The following MYO3B variants were observed in gnomAD, a reference collection of about 807,000 sequenced individuals.
MYO3B encodes myosin IIIB, also known as myosin-IIIb.
A neutral mutation model predicts 174.6 loss-of-function variants in MYO3B; 156 were observed. The ratio of observed to expected loss-of-function variants is 0.89; its 90% CI spans 0.78 to 1.02. The LOEUF (loss-of-function observed/expected upper bound fraction) is 1.02. Ranked by LOEUF, MYO3B falls within the 50% of genes least tolerant of loss-of-function variation. The pLI, the probability that MYO3B is intolerant of heterozygous loss-of-function variation, is 0.00. For synonymous variants in MYO3B, 563 were observed against 569.1 expected (o/e 0.99, Z 0.15); for missense variants, 1,632 against 1,639.4 (o/e 1.00, Z 0.08).
intron 6 of MYO3B, among the ~76,000 whole-genome samples, chr2:170,219,503 G>A (rs1210874956): frequency 3.9e-5 from 6 of 152,138 alleles, no homozygotes; most frequent in African/African-American, 1.4e-4. Flanking sequence ...AATTAGCTGG[G>A]TGTGGTAGTA....
chr2:170,425,769 C>T (rs1478698202), intron 22 of MYO3B, among the ~76,000 whole-genome samples: 3 of 152,146 alleles, frequency 2.0e-5, no homozygotes, highest in African/African-American at 4.8e-5. Flanking sequence ...GATCAAAATC[C>T]CTGAAATGAT....
intron 8 of MYO3B, among the ~76,000 whole-genome samples, chr2:170,338,542 A>C (rs1465385674): frequency 6.6e-6 from 1 of 152,158 alleles, no homozygotes; most frequent in Non-Finnish European, 1.5e-5. Flanking sequence ...GGAACTGATT[A>C]TTATATTATA....
intron 7 of MYO3B, among the ~76,000 whole-genome samples, chr2:170,261,176 A>C (rs2093343105): frequency 6.6e-6 from 1 of 152,068 alleles, no homozygotes; most frequent in African/African-American, 2.4e-5. Flanking sequence ...GGCATGCACC[A>C]CCACGCCCAG....
At chr2:170,199,057 G>C (rs1241656712) in intron 1 of MYO3B, 151 bp from the exon 2 acceptor site, 3 of 534,812 alleles carry the variant, frequency 5.6e-6, no homozygotes, top group Non-Finnish European at 9.5e-6. Flanking sequence ...GAGGGTCCAA[G>C]TTCTTTTTCA....
chr2:170,643,196 C>T (rs904267174), intron 32 of MYO3B, among the ~76,000 whole-genome samples: 1 of 152,224 alleles, frequency 6.6e-6, no homozygotes, highest in Non-Finnish European at 1.5e-5. Flanking sequence ...CTCACTATGC[C>T]TCTGTTATCT....
At chr2:170,495,748 G>T (rs1233977035) in intron 25 of MYO3B, among the ~76,000 whole-genome samples, 1 of 152,112 alleles carries the variant, frequency 6.6e-6, no homozygotes, top group Admixed American at 6.5e-5. Flanking sequence ...AGCAAGCCTG[G>T]GCTACTTAAA....
chr2:170,324,857 C>T (rs1381651060), intron 7 of MYO3B, among the ~76,000 whole-genome samples: 2 of 152,218 alleles, frequency 1.3e-5, no homozygotes, highest in African/African-American at 4.8e-5. Context: ...GCATTTGGGA[C>T]ACCCTGTGGT....
intron 28 of MYO3B, among the ~76,000 whole-genome samples, chr2:170,507,733 T>C (rs1324923933): frequency 3.5e-5 from 5 of 143,048 alleles, no homozygotes; most frequent in Non-Finnish European, 7.5e-5. Flanking sequence ...ACATATCTTG[T>C]AGGGGGAAAT....
At chr2:170,272,154 G>A (rs997075117) in intron 7 of MYO3B, among the ~76,000 whole-genome samples, 5 of 150,614 alleles carry the variant, frequency 3.3e-5, no homozygotes, top group South Asian at 2.1e-4. Flanking sequence ...TCTCTGAACC[G>A]ATAGCATCGG....
At chr2:170,532,805 A>C (rs901618378) in intron 30 of MYO3B, among the ~76,000 whole-genome samples, 6 of 146,144 alleles carry the variant, frequency 4.1e-5, no homozygotes, top group Admixed American at 6.9e-5. Context: ...AACAAGAGTG[A>C]AACTCTGTCT....
At chr2:170,357,884 G>A (rs1382139392) in intron 8 of MYO3B, among the ~76,000 whole-genome samples, 1 of 152,210 alleles carries the variant, frequency 6.6e-6, no homozygotes, top group Non-Finnish European at 1.5e-5. Context: ...TGGGCGCAGT[G>A]GCTCACGCCT....
chr2:170,546,724 C>A (rs1242907054), intron 32 of MYO3B, among the ~76,000 whole-genome samples: 1 of 152,184 alleles, frequency 6.6e-6, no homozygotes, highest in African/African-American at 2.4e-5. Flanking sequence ...ACATTTTTAG[C>A]AAATTATACC....
At chr2:170,531,282 G>T (rs1689337292) in intron 30 of MYO3B, among the ~76,000 whole-genome samples, 1 of 152,142 alleles carries the variant, frequency 6.6e-6, no homozygotes, top group African/African-American at 2.4e-5. Flanking sequence ...AAAGTGTCTA[G>T]CTACCCTCAG....
intron 23 of MYO3B, among the ~76,000 whole-genome samples, chr2:170,459,584 C>G (rs1435906115): frequency 6.6e-6 from 1 of 152,204 alleles, no homozygotes; most frequent in African/African-American, 2.4e-5. Context: ...CCTACTGGAT[C>G]CTGCTGCAGG....
rs76374042 is a variant in MYO3B at position 170,236,496 on chromosome 2, T to A, written c.749+360T>A. ...TTTTAATTACATACTTTCTCTAGTA[T>A]TCAGTGAAAACATATGTATATCATA... On this transcript the variant is annotated intron_variant, in intron 7 of 34. Coordinates refer to ENST00000408978, the MANE Select transcript of MYO3B (RefSeq NM_138995.5). Among the ~76,000 whole-genome samples, 303 of 152,328 alleles carry A rather than the reference T, an allele frequency of 2.0e-3. 12 individuals carry two copies. In the East Asian group the frequency reaches 0.057, roughly 29 times the overall value.
intron 1 of MYO3B, among the ~76,000 whole-genome samples, chr2:170,196,673 T>C (rs1009543402): frequency 6.6e-6 from 1 of 151,146 alleles, no homozygotes; most frequent in Non-Finnish European, 1.5e-5. Context: ...AAAAATTATA[T>C]CAGTGAGAAA....
chr2:170,197,812 G>A (rs192107977), intron 1 of MYO3B, among the ~76,000 whole-genome samples: 6 of 152,192 alleles, frequency 3.9e-5, no homozygotes, highest in African/African-American at 1.4e-4. Context: ...ACATTTTATG[G>A]TAATTTTGGC....
chr2:170,523,776 G>A (rs186513362), intron 30 of MYO3B, among the ~76,000 whole-genome samples: 29 of 152,246 alleles, frequency 1.9e-4, no homozygotes, highest in Admixed American at 4.6e-4. Context: ...AGACAGAAGC[G>A]GATGGAAAGG....
chr2:170,535,356 C>G (rs750451309), intron 30 of MYO3B, among the ~76,000 whole-genome samples: 3 of 152,084 alleles, frequency 2.0e-5, no homozygotes, highest in African/African-American at 7.2e-5. Context: ...CAGTGTGGTA[C>G]GAGTGTGTAT....
Sources: allele counts gnomAD v4.1 joint callset (sites outside exome capture counted in the v4.1 genomes callset), GRCh38; gene constraint gnomAD v4.1.1; transcripts MANE v1.5; gene names NCBI Gene and HGNC (gene_info 2026-07-23, HGNC 2026-07-21).